SYNE1: variants seen among roughly 807,000 people sequenced by gnomAD.
The protein encoded by SYNE1 is spectrin repeat containing nuclear envelope protein 1, also known as nesprin-1.
Under a neutral mutation model 1,111.0 loss-of-function variants are expected in SYNE1, and 616 were observed. The ratio of observed to expected loss-of-function variants is 0.55; its 90% confidence interval spans 0.52 to 0.59. The LOEUF is 0.59. SYNE1 is among the 20% of genes least tolerant of loss of function. The probability of loss-of-function intolerance (pLI) is 0.00; values close to 1 mark genes in which losing one functional copy is unlikely to be tolerated. For missense variants in SYNE1, 10,006 were observed against 10,417.0 expected (o/e 0.96, Z 1.72); for synonymous variants, 3,855 against 3,825.8 (o/e 1.01, Z -0.28).
At position 152,187,580 on chromosome 6, in the gene SYNE1, T is replaced by A. The variant is rs2635433; in HGVS notation, c.23301+1672A>T. Among the ~76,000 whole-genome samples, 566 of 152,292 alleles carry A rather than the reference T, an allele frequency of 3.7e-3. 6 individuals carry two copies. Among genetic ancestry groups the A allele is most frequent in the Middle Eastern group, 0.017 (5 of 294 alleles). ...CTCCAACTGCCACCTTGTCAGAGTGTTCATTTGCTTCCTCCCATCAATCAG... is the reference window on the plus strand; with the variant it reads ...CTCCAACTGCCACCTTGTCAGAGTGATCATTTGCTTCCTCCCATCAATCAG... On this transcript the variant is annotated intron_variant, in intron 128 of 145. Transcript: ENST00000367255.
rs1456883634 is a variant in SYNE1 at position 152,381,357 on chromosome 6, C to T, written c.8658G>A (p.Leu2886=). 1 of 1,613,274 alleles carries T rather than the reference C, an allele frequency of 6.2e-7. No individual in the cohort carries two copies. Among genetic ancestry groups the T allele is most frequent in the African/African-American group, 1.3e-5 (1 of 75,040 alleles). Residue 2886 remains leucine, a synonymous_variant, in exon 56 of 146, where the codon CTG becomes CTA. Transcript: ENST00000367255. Reference sequence around the variant, plus strand: ...TTGCACCAATCTCTCTGGAATCTATCAGCTCCTGTAATGGAATATCACCAT... The same window carrying T: ...TTGCACCAATCTCTCTGGAATCTATTAGCTCCTGTAATGGAATATCACCAT... ...TQKKLSKIKE[L]IDSREIGASR...
chr6:152,331,332 G>A lies in SYNE1; in HGVS notation c.13353C>T (p.Ala4451=), dbSNP rs778368619. ...TGAGAAACTGGGTTTTCTCGGACAAGGCTTTGTTTAAGTACTTTCTTCGCT... is the reference window on the plus strand; with the variant it reads ...TGAGAAACTGGGTTTTCTCGGACAAAGCTTTGTTTAAGTACTTTCTTCGCT... ...VGQRRKYLNK[A]LSEKTQFLMA... Residue 4451 remains alanine, a synonymous_variant, in exon 78 of 146, where the codon GCC becomes GCT. Transcript: ENST00000367255. 1 of 1,614,214 alleles carries A rather than the reference G, an allele frequency of 6.2e-7. No homozygotes were observed. Among genetic ancestry groups the A allele is most frequent in the Non-Finnish European group, 8.5e-7 (1 of 1,180,046 alleles).
intron 11 of SYNE1, among the ~76,000 whole-genome samples, chr6:152,494,439 C>A (rs1469962761): frequency 6.6e-6 from 1 of 152,148 alleles, no homozygotes; most frequent in African/African-American, 2.4e-5. Flanking sequence ...GTTCCTCACC[C>A]TGATCACACT....
chr6:152,389,139 C>T (rs762541263), intron 53 of SYNE1, among the ~76,000 whole-genome samples: 1 of 152,098 alleles, frequency 6.6e-6, no homozygotes, highest in Non-Finnish European at 1.5e-5. Context: ...TTCACATTGC[C>T]GTGGATAACT....
chr6:152,188,351 A>T (rs1390718453), intron 128 of SYNE1, among the ~76,000 whole-genome samples: 1 of 152,058 alleles, frequency 6.6e-6, no homozygotes, highest in Non-Finnish European at 1.5e-5. Context: ...TTTGCCTAGG[A>T]TGTCTTCTCG....
At chr6:152,457,097 T>C (rs1470804388) in intron 22 of SYNE1, among the ~76,000 whole-genome samples, 1 of 152,158 alleles carries the variant, frequency 6.6e-6, no homozygotes, top group Non-Finnish European at 1.5e-5. Flanking sequence ...AAATGAAAGA[T>C]AATCTCTATC....
chr6:152,342,825 A>C (rs1031669006), intron 74 of SYNE1, among the ~76,000 whole-genome samples: 2 of 152,232 alleles, frequency 1.3e-5, no homozygotes, highest in African/African-American at 4.8e-5. Context: ...TCAAATTAAT[A>C]TGGAATAGAA....
chr6:152,289,642 T>A (rs905335215), intron 95 of SYNE1, among the ~76,000 whole-genome samples: 3 of 151,984 alleles, frequency 2.0e-5, no homozygotes, highest in Non-Finnish European at 2.9e-5. Context: ...TTATTTATTT[T>A]TTGAGACGGA....
Position 152,232,256 on chromosome 6 carries a change from C to A in SYNE1, c.20722G>T (p.Asp6908Tyr). 6.2e-7 allele frequency: 1 copy of A among 1,613,856 alleles called. No homozygotes were observed. The highest frequency in any genetic ancestry group is 8.5e-7 in the Non-Finnish European group (1 of 1,179,894). Reference sequence around the variant, plus strand: ...ATGGCATGGCGGGAAGGCAGTTTATCCATCTGGAGCTGTCCAAGTCAGGGA... The same window carrying A: ...ATGGCATGGCGGGAAGGCAGTTTATACATCTGGAGCTGTCCAAGTCAGGGA... ...VQEKLHQLQMDKLPSRHAISE... is the reference protein window; with the variant it reads ...VQEKLHQLQMYKLPSRHAISE... The change falls in exon 113 of 146, where the codon GAT becomes TAT. Residue 6908 changes from aspartate (D) to tyrosine (Y), a missense_variant. This residue lies in a region of SYNE1 where 2,182 missense variants were observed against 2,287.8 expected (regional missense o/e 0.95). Transcript: ENST00000367255.
At position 152,201,948 on chromosome 6, in the gene SYNE1, T is replaced by C. The variant is rs202066741; in HGVS notation, c.23021A>G (p.Asp7674Gly). ...TATTCCTTTCTCACATTTTTCCCAG[T>C]CCTATCATGGGAATAAAAACAAATA... ...QKKKLAFLLK[D>G]WEKCEKGIAD... The change falls in exon 127 of 146, where the codon GAC becomes GGC. Residue 7674 changes from aspartate to glycine, a missense_variant and splice_region_variant. Coordinates refer to ENST00000367255, the MANE Select transcript of SYNE1 (RefSeq NM_182961.4). The C allele has an allele frequency of 1.3e-5, 21 of 1,613,874 alleles. No homozygotes were observed. In the Admixed American group the frequency reaches 3.5e-4, roughly 27 times the overall value.
At chr6:152,299,488 C>T (rs1188496804) in intron 93 of SYNE1, among the ~76,000 whole-genome samples, 8 of 152,202 alleles carry the variant, frequency 5.3e-5, no homozygotes, top group Non-Finnish European at 4.4e-5. Context: ...TCTCTCTAGA[C>T]TGTCAGGGCC....
At chr6:152,440,983 C>A in intron 32 of SYNE1, 147 bp downstream of exon 32, 1 of 1,007,090 alleles carries the variant, frequency 9.9e-7, no homozygotes, top group Admixed American at 2.4e-5. Flanking sequence ...TTTCATTCTC[C>A]AATATGTTGA....
intron 145 of SYNE1, chr6:152,127,942 C>T (rs1226146617): frequency 2.0e-5 from 3 of 152,170 alleles, no homozygotes; most frequent in Non-Finnish European, 2.9e-5. Flanking sequence ...CTTCTCATTC[C>T]ATCTTAGTTC....
chr6:152,333,315 TA>T (rs1308398927), intron 77 of SYNE1, among the ~76,000 whole-genome samples: 1 of 152,176 alleles, frequency 6.6e-6, no homozygotes, highest in Non-Finnish European at 1.5e-5. Context: ...CTGACTGAAT[TA>T]CACAGAATGC....
At chr6:152,548,721 A>C (rs2099326727) in intron 3 of SYNE1, among the ~76,000 whole-genome samples, 1 of 152,200 alleles carries the variant, frequency 6.6e-6, no homozygotes, top group Non-Finnish European at 1.5e-5. Context: ...TAGTGACCAG[A>C]GGACAGATTT....
intron 49 of SYNE1, among the ~76,000 whole-genome samples, chr6:152,398,279 C>T (rs915048643): frequency 2.0e-5 from 3 of 152,068 alleles, no homozygotes; most frequent in Admixed American, 1.3e-4. Flanking sequence ...ATGTCTTCTT[C>T]TTTTTAAAAC....
chr6:152,626,915 G>A (rs369361039), intron 3 of SYNE1, among the ~76,000 whole-genome samples: 21 of 152,292 alleles, frequency 1.4e-4, no homozygotes, highest in African/African-American at 4.1e-4. Flanking sequence ...ATGCTTAACT[G>A]GAAATTACTG....
chr6:152,199,230 C>T (rs1167120592), intron 127 of SYNE1, among the ~76,000 whole-genome samples: 3 of 151,966 alleles, frequency 2.0e-5, no homozygotes, highest in South Asian at 4.2e-4. Flanking sequence ...ATCTTCTTTA[C>T]TTTAGACTGA....
chr6:152,278,001 A>G, intron 98 of SYNE1, 88 bp downstream of exon 98: 1 of 1,453,838 alleles, frequency 6.9e-7, no homozygotes, highest in Non-Finnish European at 9.6e-7. Context: ...CGTCACCGCC[A>G]ACCTGTTCCT....
Sources: gnomAD v4.1 joint callset for allele counts (sites outside exome capture counted in the v4.1 genomes callset) on GRCh38, gnomAD v4.1.1 for gene constraint, gnomAD v4.1.1 regional missense constraint, MANE v1.5 for transcripts, NCBI Gene and HGNC (gene_info 2026-07-23, HGNC 2026-07-21) for gene names.